The following PDE2A variants were observed in gnomAD, a reference collection of about 807,000 sequenced individuals.
The protein encoded by PDE2A is cGMP-dependent 3',5'-cyclic phosphodiesterase.
PDE2A carries 53 observed loss-of-function variants against 133.6 expected under a neutral mutation model. The observed-to-expected ratio is 0.40, with a 90% confidence interval of 0.32 to 0.50. The LOEUF (loss-of-function observed/expected upper bound fraction) is 0.50. Ranked by LOEUF, PDE2A falls within the 20% of genes least tolerant of loss-of-function variation. The pLI, the probability that PDE2A is intolerant of heterozygous loss-of-function variation, is 0.73. For missense variants in PDE2A, 796 were observed against 1,232.4 expected (o/e 0.65, Z 5.30); for synonymous variants, 491 against 490.2 (o/e 1.00, Z -0.02).
chr11:72,673,499 CT>C (rs1056201907), intron 1 of PDE2A, among the ~76,000 whole-genome samples: 1 of 152,110 alleles, frequency 6.6e-6, no homozygotes, highest in African/African-American at 2.4e-5. Flanking sequence ...ATGCACCCCC[CT>C]GCACGTGGAC....
At chr11:72,587,248 C>T (rs1036129999) in intron 13 of PDE2A, among the ~76,000 whole-genome samples, 2 of 152,194 alleles carry the variant, frequency 1.3e-5, no homozygotes, top group Admixed American at 6.5e-5. Context: ...GAGGTCTTTG[C>T]TAATGTCGTC....
At chr11:72,623,863 G>C (rs1857908939) in intron 2 of PDE2A, among the ~76,000 whole-genome samples, 1 of 152,000 alleles carries the variant, frequency 6.6e-6, no homozygotes, top group African/African-American at 2.4e-5. Flanking sequence ...ACCATCTCCT[G>C]CCTGGGCAGC....
At chr11:72,629,938 C>T (rs1858288991) in intron 2 of PDE2A, among the ~76,000 whole-genome samples, 1 of 152,186 alleles carries the variant, frequency 6.6e-6, no homozygotes, top group African/African-American at 2.4e-5. Flanking sequence ...TCATCTTCCT[C>T]TCCCTCTCAG....
In PDE2A at chr11:72,642,401, C is replaced by T; in HGVS notation, c.72-75G>A. ...TGCTCGCAGCCGCCCGCCCGCCCGC[C>T]GGCCCGGCCGCTGCGCTCGGTCAGC... is the stretch of plus-strand genomic sequence containing the variant. On this transcript the variant is annotated intron_variant, in intron 1 of 30. Transcript: ENST00000334456. 4.7e-6 allele frequency: 6 copies of T among 1,285,422 alleles called. No individual in the cohort carries two copies. The South Asian group carries it at 1.1e-4, about 23-fold the overall frequency. 79.6% of individuals were successfully genotyped at this position (1,285,422 alleles called of 1,614,324 possible).
chr11:72,597,412 G>A lies in PDE2A; in HGVS notation c.433+98C>T. ...ACAGAGCAAGAGAAAGAAGGAGACAGAGATGAAGAGGAATAGAAGACACAC... is the reference window on the plus strand; with the variant it reads ...ACAGAGCAAGAGAAAGAAGGAGACAAAGATGAAGAGGAATAGAAGACACAC... On this transcript the variant is annotated intron_variant, in intron 5 of 30. Transcript: ENST00000334456. The surrounding 1 kb of genome is among the most constrained non-coding windows in gnomAD (Gnocchi z 4.6). 1 of 679,464 alleles carries A rather than the reference G, an allele frequency of 1.5e-6. No homozygotes were observed. The highest frequency in any genetic ancestry group is 2.6e-6 in the Non-Finnish European group (1 of 382,984). 42.1% of individuals were successfully genotyped at this position (679,464 alleles called of 1,614,324 possible). A position where few individuals can be genotyped will look rare whatever the true frequency, so the allele number is the denominator to read the frequency against.
chr11:72,580,274 C>T (rs575948740), intron 25 of PDE2A, among the ~76,000 whole-genome samples: 32 of 152,314 alleles, frequency 2.1e-4, no homozygotes, highest in African/African-American at 7.7e-4. Flanking sequence ...CCAAACCAAA[C>T]AATCTAAGGT....
chr11:72,577,627 C>T (rs1339875611), intron 30 of PDE2A, 33 bp from the exon 31 acceptor site: 2 of 1,494,870 alleles, frequency 1.3e-6, no homozygotes, highest in East Asian at 2.3e-5. Flanking sequence ...GGGCGAGAGG[C>T]CAGAAATCAG....
At position 72,581,957 on chromosome 11, in the gene PDE2A, G is replaced by T. The variant is rs756334125; in HGVS notation, c.1852-10C>A. The T allele has an allele frequency of 4.3e-6, 7 of 1,612,418 alleles. No homozygotes were observed. The Admixed American group carries it at 1.2e-4, about 27-fold the overall frequency. ...GCATGCTCAGGATGGCCTGGAGAGGGCAGAGGGAGGTATCAGAGGGGCTGC... is the reference window on the plus strand; with the variant it reads ...GCATGCTCAGGATGGCCTGGAGAGGTCAGAGGGAGGTATCAGAGGGGCTGC... On this transcript the variant is annotated splice_polypyrimidine_tract_variant and intron_variant, in intron 21 of 30. Coordinates refer to ENST00000334456, the MANE Select transcript of PDE2A (RefSeq NM_002599.5).
intron 2 of PDE2A, 83 bp downstream of exon 2, chr11:72,642,171 G>C: frequency 7.4e-7 from 1 of 1,350,702 alleles, no homozygotes; most frequent in South Asian, 1.8e-5. Context: ...TCCTCCCTGA[G>C]AAGGGTTCGG....
intron 20 of PDE2A, among the ~76,000 whole-genome samples, chr11:72,582,885 G>T (rs1018116499): frequency 1.3e-5 from 2 of 152,154 alleles, no homozygotes; most frequent in African/African-American, 4.8e-5. Context: ...TCCTTTTGTG[G>T]AGACCTTTCT....
chr11:72,613,570 C>T (rs75509650), intron 2 of PDE2A, among the ~76,000 whole-genome samples: 2,137 of 152,012 alleles, frequency 0.014, 30 homozygotes, highest in Non-Finnish European at 0.024. Flanking sequence ...GGAGTCTTGA[C>T]GTCTTTTCCC....
chr11:72,580,753 C>T (rs1334457811), intron 24 of PDE2A, 129 bp from the exon 25 acceptor site: 1 of 960,940 alleles, frequency 1.0e-6, no homozygotes, highest in Non-Finnish European at 1.7e-6. Flanking sequence ...GGGGCAAACC[C>T]TGGGGGAACC....
At position 72,589,245 on chromosome 11, in the gene PDE2A, G is replaced by C; in HGVS notation, c.874-5C>G. The C allele has an allele frequency of 2.5e-6, 4 of 1,611,978 alleles. No individual in the cohort carries two copies. Among genetic ancestry groups the C allele is most frequent in the Non-Finnish European group, 3.4e-6 (4 of 1,178,418 alleles). ...CTGGCCCAGGCATCCTGTCAACTAG[G>C]GGGTGAGGAGAGACTGAGTCAGGGC... On this transcript the variant is annotated splice_region_variant and splice_polypyrimidine_tract_variant and intron_variant, in intron 11 of 30. Transcript: ENST00000334456.
At chr11:72,620,006 T>C (rs11235550) in intron 2 of PDE2A, among the ~76,000 whole-genome samples, 5,017 of 152,158 alleles carry the variant, frequency 0.033, 116 homozygotes, top group Middle Eastern at 0.061. Context: ...CCCAATTCTC[T>C]GGGCAGATGC....
chr11:72,634,413 G>A (rs1393047138), intron 2 of PDE2A, among the ~76,000 whole-genome samples: 3 of 152,210 alleles, frequency 2.0e-5, no homozygotes, highest in African/African-American at 7.2e-5. Context: ...CAGGGGAAGT[G>A]GGGGAGGCTG....
At chr11:72,631,104 G>C in intron 2 of PDE2A, 7 of 1,548,654 alleles carry the variant, frequency 4.5e-6, no homozygotes, top group Non-Finnish European at 5.2e-6. Flanking sequence ...CTACTCCCTG[G>C]GGGTCCTGGC....
intron 2 of PDE2A, among the ~76,000 whole-genome samples, chr11:72,611,879 T>G (rs763595760): frequency 6.6e-6 from 1 of 152,116 alleles, no homozygotes; most frequent in African/African-American, 2.4e-5. Flanking sequence ...TTCACCCCCA[T>G]TGCACCAACT....
chr11:72,593,200 C>CACACACAT (rs59853713), intron 6 of PDE2A, among the ~76,000 whole-genome samples: 1 of 151,498 alleles, frequency 6.6e-6, no homozygotes, highest in African/African-American at 2.4e-5. Context: ...CACACACACA[C>CACACACAT]GGTGCAGTCA....
intron 2 of PDE2A, among the ~76,000 whole-genome samples, chr11:72,609,611 C>T (rs1473580110): frequency 6.6e-6 from 1 of 152,158 alleles, no homozygotes; most frequent in African/African-American, 2.4e-5. Context: ...CCCTGCTTCT[C>T]GCTCTATTAA....
Sources: gnomAD v4.1 joint callset for allele counts (sites outside exome capture counted in the v4.1 genomes callset) on GRCh38, gnomAD v4.1.1 for gene constraint, Gnocchi (gnomAD v3.1) non-coding constraint, MANE v1.5 for transcripts, NCBI Gene and HGNC (gene_info 2026-07-23, HGNC 2026-07-21) for gene names.